Variants in LYRM4 observed in about 807,000 individuals in gnomAD.
LYRM4 encodes the protein LYR motif containing 4, also known as LYR motif-containing protein 4.
Under a neutral mutation model 11.7 loss-of-function variants are expected in LYRM4, and 9 were observed. That is an observed-to-expected ratio of 0.77 (90% CI 0.46 to 1.34). The LOEUF (loss-of-function observed/expected upper bound fraction) is 1.34, where lower values mean the gene tolerates loss of function less well. Among genes scored for constraint, LYRM4 ranks in the 40% most tolerant of loss-of-function variants. LYRM4 has a pLI of 0.00. For missense variants in LYRM4, 133 were observed against 112.5 expected, an observed-to-expected ratio of 1.18 and a Z score of -0.82; for synonymous variants, 42 against 40.4, an observed-to-expected ratio of 1.04 and a Z score of -0.15.
the LYRM4 span, among the ~76,000 whole-genome samples, chr6:5,083,500 C>T: frequency 1.3e-5 from 2 of 152,178 alleles, no homozygotes; most frequent in Admixed American, 1.3e-4. Context: ...GGACATCACT[C>T]CCAGCCCAGG....
intron 2 of LYRM4, among the ~76,000 whole-genome samples, chr6:5,179,731 G>A (rs1052175780): frequency 6.6e-6 from 1 of 152,218 alleles, no homozygotes; most frequent in African/African-American, 2.4e-5. Context: ...CCACATAGGT[G>A]TACAGAGACC....
At chr6:5,137,465 G>C (rs1329137413) in intron 2 of LYRM4, among the ~76,000 whole-genome samples, 2 of 152,104 alleles carry the variant, frequency 1.3e-5, no homozygotes, top group Non-Finnish European at 2.9e-5. Context: ...CAAGCTCCTG[G>C]AGTTGGCCCC....
intron 2 of LYRM4, among the ~76,000 whole-genome samples, chr6:5,134,977 C>CTGGGG (rs2127616956): frequency 7.3e-6 from 1 of 137,102 alleles, no homozygotes; most frequent in Non-Finnish European, 1.6e-5. Flanking sequence ...CGGATCGCTC[C>CTGGGG]CGGGGCTGTG....
intron 2 of LYRM4, among the ~76,000 whole-genome samples, chr6:5,210,859 G>A (rs1340159077): frequency 6.6e-6 from 1 of 152,026 alleles, no homozygotes; most frequent in Admixed American, 6.5e-5. Context: ...CCTTTTTAAG[G>A]CTGAATAATA....
At chr6:5,060,095 A>G in the LYRM4 span, among the ~76,000 whole-genome samples, 4 of 152,266 alleles carry the variant, frequency 2.6e-5, no homozygotes, top group South Asian at 8.3e-4. Context: ...TTTAATGAGC[A>G]TGTACATTGT....
At chr6:5,244,826 G>A (rs1460520773) in intron 1 of LYRM4, among the ~76,000 whole-genome samples, 1 of 151,808 alleles carries the variant, frequency 6.6e-6, no homozygotes, top group Non-Finnish European at 1.5e-5. Context: ...TACAAGACAT[G>A]TCAGGATGAG....
intron 1 of LYRM4, among the ~76,000 whole-genome samples, chr6:5,237,839 GTTGTAC>G (rs1763640859): frequency 6.6e-6 from 1 of 152,220 alleles, no homozygotes; most frequent in African/African-American, 2.4e-5. Flanking sequence ...CTTTGAAACT[GTTGTAC>G]TTATGCTGAG....
the LYRM4 span, among the ~76,000 whole-genome samples, chr6:5,069,942 T>G: frequency 5.9e-5 from 9 of 152,150 alleles, no homozygotes; most frequent in Non-Finnish European, 8.8e-5. Flanking sequence ...AACTGTGAGG[T>G]GAGTTAATCA....
chr6:5,085,896 GCTGGGGCTAAGCC>G, the LYRM4 span: 7 of 1,531,872 alleles, frequency 4.6e-6, no homozygotes, highest in Non-Finnish European at 6.1e-6. Flanking sequence ...TCGCGGACAC[GCTGGGGCTAAGCC>G]TGGCCAGCGT....
At chr6:5,221,680 A>G (rs965414477) in intron 1 of LYRM4, among the ~76,000 whole-genome samples, 15 of 152,252 alleles carry the variant, frequency 9.9e-5, no homozygotes, top group Non-Finnish European at 1.5e-5. Flanking sequence ...CTACAGGGCA[A>G]GACAATGTCT....
chr6:5,179,065 C>CAAAAAAAAAAAAAAAAA (rs58749743), intron 2 of LYRM4, among the ~76,000 whole-genome samples: 28 of 103,878 alleles, frequency 2.7e-4, no homozygotes, highest in Non-Finnish European at 3.5e-4. Flanking sequence ...ACCAAAAAAA[C>CAAAAAAAAAAAAAAAAA]AAAAAAAAAA....
intron 2 of LYRM4, among the ~76,000 whole-genome samples, chr6:5,128,625 G>T (rs1368629514): frequency 6.6e-6 from 1 of 152,236 alleles, no homozygotes; most frequent in Non-Finnish European, 1.5e-5. Flanking sequence ...ATTTGGAGAA[G>T]ATGCTTCCCT....
intron 2 of LYRM4, among the ~76,000 whole-genome samples, chr6:5,209,726 C>T (rs1761893094): frequency 6.6e-6 from 1 of 152,088 alleles, no homozygotes; most frequent in Non-Finnish European, 1.5e-5. Context: ...GGAAAAGAAA[C>T]CTTGGGCAAT....
chr6:5,209,324 T>G (rs1761868662), intron 2 of LYRM4, among the ~76,000 whole-genome samples: 1 of 152,194 alleles, frequency 6.6e-6, no homozygotes, highest in South Asian at 2.1e-4. Context: ...CTGGAACTCC[T>G]GACCTCAAGT....
At chr6:5,191,601 T>A (rs1050259377) in intron 2 of LYRM4, among the ~76,000 whole-genome samples, 1 of 152,162 alleles carries the variant, frequency 6.6e-6, no homozygotes, top group East Asian at 1.9e-4. Flanking sequence ...CGGGCCCTAG[T>A]GTGTTATTAA....
intron 2 of LYRM4, among the ~76,000 whole-genome samples, chr6:5,154,051 C>G (rs1561834549): frequency 6.6e-6 from 1 of 151,946 alleles, no homozygotes; most frequent in Non-Finnish European, 1.5e-5. Flanking sequence ...CATTTTTTTA[C>G]CTAAGTTATA....
chr6:5,255,028 T>C (rs1764603613), intron 1 of LYRM4, among the ~76,000 whole-genome samples: 1 of 152,068 alleles, frequency 6.6e-6, no homozygotes, highest in Non-Finnish European at 1.5e-5. Context: ...AGGCTCTACA[T>C]TGCCCTCTTT....
At chr6:5,040,882 G>A in the LYRM4 span, among the ~76,000 whole-genome samples, 11 of 150,104 alleles carry the variant, frequency 7.3e-5, no homozygotes, top group Non-Finnish European at 4.4e-5. Context: ...TGGGGAAACA[G>A]AAAAAAAAAA....
chr6:5,237,049 C>G (rs1193638077), intron 1 of LYRM4, among the ~76,000 whole-genome samples: 1 of 152,152 alleles, frequency 6.6e-6, no homozygotes, highest in Admixed American at 6.5e-5. Flanking sequence ...CGTGGGAAAT[C>G]CCTCAAGGTA....
Sources: allele counts gnomAD v4.1 joint callset (sites outside exome capture counted in the v4.1 genomes callset), GRCh38; gene constraint gnomAD v4.1.1; transcripts MANE v1.5; gene names NCBI Gene and HGNC (gene_info 2026-07-23, HGNC 2026-07-21).